CACNB2: variants seen among roughly 807,000 people sequenced by gnomAD.
CACNB2 encodes the protein calcium voltage-gated channel auxiliary subunit beta 2.
In CACNB2, 42 loss-of-function variants were observed where a neutral mutation model predicts 73.3. That is an observed-to-expected ratio of 0.57 (90% CI 0.45 to 0.74). CACNB2 has a LOEUF of 0.74. CACNB2 is among the 30% of genes least tolerant of loss of function. The pLI is 0.00. For missense variants in CACNB2, 940 were observed against 853.0 expected, an observed-to-expected ratio of 1.10 and a Z score of -1.27; for synonymous variants, 348 against 310.3, an observed-to-expected ratio of 1.12 and a Z score of -1.28.
chr10:18,457,127 C>G (rs1274983554), intron 3 of CACNB2, among the ~76,000 whole-genome samples: 1 of 152,196 alleles, frequency 6.6e-6, no homozygotes, highest in Non-Finnish European at 1.5e-5. Context: ...GAGTTTCACT[C>G]TGTGTCCAAG....
intron 2 of CACNB2, among the ~76,000 whole-genome samples, chr10:18,388,951 A>G (rs111603430): frequency 1.3e-5 from 2 of 152,284 alleles, no homozygotes; most frequent in African/African-American, 4.8e-5. Context: ...AGGTGAATCA[A>G]TTACAGAAAA....
At chr10:18,357,439 A>G (rs541889101) in intron 2 of CACNB2, among the ~76,000 whole-genome samples, 1 of 152,342 alleles carries the variant, frequency 6.6e-6, no homozygotes, top group South Asian at 2.1e-4. Context: ...TAACCACACT[A>G]GAAAATGTGA....
chr10:18,215,408 C>T (rs756830633), intron 2 of CACNB2, among the ~76,000 whole-genome samples: 1 of 152,036 alleles, frequency 6.6e-6, no homozygotes, highest in African/African-American at 2.4e-5. Context: ...TCAGGGGGCC[C>T]CCTGGAAATG....
In CACNB2 at chr10:18,412,728, C is replaced by T. The variant is rs145823436; in HGVS notation, c.333+10685C>T. On this transcript the variant is annotated intron_variant, in intron 3 of 13. Coordinates refer to ENST00000324631, the MANE Select transcript of CACNB2 (RefSeq NM_201596.3). ...TCTCTTCTGTTTCGACTTTTAGTTC[C>T]CTCACCTGAAATGTGGAAGTCCATT... Among the ~76,000 whole-genome samples the T allele has an allele frequency of 1.4e-3, 210 of 152,312 alleles. 10 individuals are homozygous for T. The East Asian group carries it at 0.034, about 25-fold the overall frequency.
chr10:18,233,695 G>A lies in CACNB2; in HGVS notation c.213+82720G>A, dbSNP rs143186364. The stretch of plus-strand genomic sequence containing the variant: ...CTAGTAGGTAGGTATTGTGCTGGGT[G>A]CATTGTCTGTCTGAACTTTTATCAG... On this transcript the variant is annotated intron_variant, in intron 2 of 13. Coordinates refer to ENST00000324631, the MANE Select transcript of CACNB2 (RefSeq NM_201596.3). Among the ~76,000 whole-genome samples the A allele has an allele frequency of 3.7e-3, 569 of 152,260 alleles. 5 individuals are homozygous for A. The highest frequency in any genetic ancestry group is 0.013 in the African/African-American group (542 of 41,542).
At chr10:18,170,778 C>T (rs2033167778) in intron 2 of CACNB2, among the ~76,000 whole-genome samples, 1 of 152,188 alleles carries the variant, frequency 6.6e-6, no homozygotes, top group South Asian at 2.1e-4. Context: ...ACGTTGTATT[C>T]TTGACAATGC....
rs1447230901 is a variant in CACNB2 at position 18,261,909 on chromosome 10, CTCACACAAATATTGAAGTGTA to C, written c.213+110939_213+110959del. 5.8e-6 allele frequency: 3 copies of C among 517,928 alleles called. No homozygotes were observed. In the East Asian group the frequency reaches 1.6e-4, roughly 28 times the overall value. 32.1% of individuals were successfully genotyped at this position (517,928 alleles called of 1,614,324 possible). The stretch of plus-strand genomic sequence containing the variant: ...TGAGTATTAAATTCTACAAGGCAGG[CTCACACAAATATTGAAGTGTA>C]TCACTACTTAACATGATTGGATGCT... On this transcript the variant is annotated intron_variant, in intron 2 of 13. Transcript: ENST00000324631.
chr10:18,181,100 G>T (rs1170323305), intron 2 of CACNB2, among the ~76,000 whole-genome samples: 1 of 145,668 alleles, frequency 6.9e-6, no homozygotes, highest in Non-Finnish European at 1.5e-5. Flanking sequence ...AGCATATCTT[G>T]AGAGGGTCCA....
At chr10:18,407,629 C>T (rs186779073) in intron 3 of CACNB2, among the ~76,000 whole-genome samples, 2 of 151,904 alleles carry the variant, frequency 1.3e-5, no homozygotes, top group East Asian at 3.9e-4. Context: ...AATTTCTTCC[C>T]CTATATTGTC....
At chr10:18,341,980 G>T (rs866523344) in intron 2 of CACNB2, among the ~76,000 whole-genome samples, 51 of 152,010 alleles carry the variant, frequency 3.4e-4, no homozygotes, top group African/African-American at 1.2e-3. Context: ...ATTTCTTTAG[G>T]TTCTGACATG....
In CACNB2 at chr10:18,540,325, A is replaced by ATATATAATATATATATATCTTAT. The variant is rs1450670310; in HGVS notation, c.*607_*608insATATATATATATCTTATTATATA. 1 of 49,800 alleles carries ATATATAATATATATATATCTTAT rather than the reference A, an allele frequency of 2.0e-5. No individual in the cohort carries two copies. Among genetic ancestry groups the ATATATAATATATATATATCTTAT allele is most frequent in the Non-Finnish European group, 4.7e-5 (1 of 21,330 alleles). 3.1% of individuals were successfully genotyped at this position (49,800 alleles called of 1,614,324 possible). A position where few individuals can be genotyped will look rare whatever the true frequency, so the allele number is the denominator to read the frequency against. On this transcript the variant is annotated 3_prime_UTR_variant, in exon 14 of 14. Coordinates refer to ENST00000324631, the MANE Select transcript of CACNB2 (RefSeq NM_201596.3). ...TTCTGCAAACAAACACCTTCTTATT[A>ATATATAATATATATATATCTTAT]TATATATAATATATATATATATCAG...
chr10:18,320,750 A>G (rs2040370325), intron 2 of CACNB2, among the ~76,000 whole-genome samples: 1 of 152,208 alleles, frequency 6.6e-6, no homozygotes, highest in Non-Finnish European at 1.5e-5. Context: ...AGAACTGCGT[A>G]ACTATTGGCT....
At chr10:18,291,277 T>G (rs1020512338) in intron 2 of CACNB2, among the ~76,000 whole-genome samples, 15 of 152,240 alleles carry the variant, frequency 9.9e-5, no homozygotes, top group African/African-American at 3.4e-4. Context: ...ACATGCTCCT[T>G]GCTCTCATTA....
intron 2 of CACNB2, among the ~76,000 whole-genome samples, chr10:18,152,525 T>A (rs2031650061): frequency 6.6e-6 from 1 of 151,922 alleles, no homozygotes; most frequent in Non-Finnish European, 1.5e-5. Flanking sequence ...CCAGGCATCA[T>A]GGTCCTGCTG....
chr10:18,404,179 A>G (rs1004172049), intron 3 of CACNB2, among the ~76,000 whole-genome samples: 5 of 152,152 alleles, frequency 3.3e-5, no homozygotes, highest in African/African-American at 1.2e-4. Context: ...AATATTTTAA[A>G]CCTTTGATGT....
intron 10 of CACNB2, among the ~76,000 whole-genome samples, chr10:18,532,625 C>G (rs559983217): frequency 7.3e-6 from 1 of 137,520 alleles, no homozygotes; most frequent in African/African-American, 2.7e-5. Context: ...TGTGGTGAGC[C>G]GAGACTGCAC....
At chr10:18,373,698 T>C (rs1200187879) in intron 2 of CACNB2, among the ~76,000 whole-genome samples, 1 of 152,216 alleles carries the variant, frequency 6.6e-6, no homozygotes, top group East Asian at 1.9e-4. Flanking sequence ...GCCTAGATGT[T>C]CCTTCAGATT....
At chr10:18,435,016 A>G (rs1167298014) in intron 3 of CACNB2, among the ~76,000 whole-genome samples, 1 of 152,142 alleles carries the variant, frequency 6.6e-6, no homozygotes, top group Non-Finnish European at 1.5e-5. Flanking sequence ...CACTTTGAGA[A>G]CTGCTGGCCT....
At chr10:18,348,412 G>C (rs554555531) in intron 2 of CACNB2, among the ~76,000 whole-genome samples, 5 of 152,292 alleles carry the variant, frequency 3.3e-5, no homozygotes, top group African/African-American at 1.2e-4. Context: ...AGAGGCCCAA[G>C]GTGGTTATAT....
Sources: gnomAD v4.1 joint callset for allele counts (sites outside exome capture counted in the v4.1 genomes callset) on GRCh38, gnomAD v4.1.1 for gene constraint, MANE v1.5 for transcripts, NCBI Gene and HGNC (gene_info 2026-07-23, HGNC 2026-07-21) for gene names.